Variants in ALK observed in about 807,000 individuals in gnomAD.
ALK encodes the protein ALK tyrosine kinase receptor.
In ALK, 74 loss-of-function variants were observed where a neutral mutation model predicts 163.1. That is an observed-to-expected ratio of 0.45 (90% CI 0.38 to 0.55). The LOEUF is 0.55. Ranked by LOEUF, ALK falls within the 20% of genes least tolerant of loss-of-function variation. The probability of loss-of-function intolerance (pLI) is 0.00; values close to 1 mark genes in which losing one functional copy is unlikely to be tolerated. For missense variants in ALK, 2,063 were observed against 2,105.3 expected (o/e 0.98, Z 0.39); for synonymous variants, 960 against 843.2 (o/e 1.14, Z -2.40).
intron 3 of ALK, among the ~76,000 whole-genome samples, chr2:29,542,375 G>T (rs1201035510): frequency 7.2e-5 from 11 of 152,056 alleles, no homozygotes; most frequent in African/African-American, 2.4e-4. Context: ...TGTATCAGTT[G>T]CTTTCTGGGC....
chr2:29,506,506 G>C (rs1672327677), intron 4 of ALK, among the ~76,000 whole-genome samples: 1 of 152,160 alleles, frequency 6.6e-6, no homozygotes, highest in Non-Finnish European at 1.5e-5. Flanking sequence ...CAGCACTTTG[G>C]GAGGCCGAGG....
intron 8 of ALK, among the ~76,000 whole-genome samples, chr2:29,314,889 G>T (rs529618672): frequency 2.0e-5 from 3 of 152,144 alleles, no homozygotes; most frequent in African/African-American, 7.2e-5. Context: ...TATTACCAGC[G>T]GCTGCAATGC....
intron 4 of ALK, among the ~76,000 whole-genome samples, chr2:29,528,112 C>A (rs966639737): frequency 6.6e-6 from 1 of 152,214 alleles, no homozygotes; most frequent in African/African-American, 2.4e-5. Context: ...TATTAGTAAT[C>A]CAAATGATTG....
intron 1 of ALK, among the ~76,000 whole-genome samples, chr2:29,845,807 T>C (rs1172711339): frequency 6.6e-6 from 1 of 152,192 alleles, no homozygotes; most frequent in East Asian, 1.9e-4. Flanking sequence ...CAGAAACCTT[T>C]GGTTGAGGAG....
At chr2:29,841,342 C>T (rs748102403) in intron 1 of ALK, among the ~76,000 whole-genome samples, 19 of 152,200 alleles carry the variant, frequency 1.2e-4, no homozygotes, top group Non-Finnish European at 2.4e-4. Context: ...GAGATACTTC[C>T]GGTCAAGACA....
At chr2:29,467,734 C>G (rs4435407) in intron 4 of ALK, among the ~76,000 whole-genome samples, 1 of 152,178 alleles carries the variant, frequency 6.6e-6, no homozygotes, top group Admixed American at 6.5e-5. Context: ...TTTCTACACA[C>G]ACTCTCTCAT....
At chr2:29,631,730 C>T (rs533973317) in intron 3 of ALK, among the ~76,000 whole-genome samples, 1 of 152,256 alleles carries the variant, frequency 6.6e-6, no homozygotes, top group Non-Finnish European at 1.5e-5. Flanking sequence ...CTGAACTTCA[C>T]AGTTAACCTG....
chr2:29,503,578 G>A (rs543552708), intron 4 of ALK, among the ~76,000 whole-genome samples: 1 of 152,192 alleles, frequency 6.6e-6, no homozygotes, highest in Admixed American at 6.5e-5. Context: ...AAATGACTTT[G>A]CTTGGGGAAC....
At chr2:29,698,712 T>C (rs889391900) in intron 2 of ALK, among the ~76,000 whole-genome samples, 4 of 152,222 alleles carry the variant, frequency 2.6e-5, no homozygotes, top group African/African-American at 4.8e-5. Flanking sequence ...AGTGTGATAA[T>C]TGGCTGTGTT....
chr2:29,206,806 T>A (rs909572260), intron 26 of ALK, among the ~76,000 whole-genome samples: 1 of 152,026 alleles, frequency 6.6e-6, no homozygotes, highest in African/African-American at 2.4e-5. Flanking sequence ...TGTGTATGTA[T>A]GTGTACTTTG....
chr2:29,748,870 C>A (rs1157692638), intron 1 of ALK, among the ~76,000 whole-genome samples: 1 of 152,106 alleles, frequency 6.6e-6, no homozygotes, highest in Non-Finnish European at 1.5e-5. Flanking sequence ...CTCAGCCTCC[C>A]AAGTAGTTGG....
At chr2:29,848,308 A>C (rs1246607822) in intron 1 of ALK, among the ~76,000 whole-genome samples, 2 of 151,692 alleles carry the variant, frequency 1.3e-5, no homozygotes, top group African/African-American at 2.4e-5. Flanking sequence ...CAGAACATGC[A>C]GCCTGCATGT....
At chr2:29,647,837 T>C (rs144573960) in intron 3 of ALK, among the ~76,000 whole-genome samples, 2 of 151,668 alleles carry the variant, frequency 1.3e-5, no homozygotes, top group East Asian at 3.9e-4. Context: ...AATGTTTTTC[T>C]TAAAACCAAC....
At chr2:29,200,823 A>G in intron 26 of ALK, among the ~76,000 whole-genome samples, 1 of 147,328 alleles carries the variant, frequency 6.8e-6, no homozygotes, top group Middle Eastern at 3.6e-3. Context: ...ATATACATAT[A>G]TACGTATATA....
At chr2:29,288,980 A>T (rs1443217768) in intron 9 of ALK, among the ~76,000 whole-genome samples, 1 of 148,204 alleles carries the variant, frequency 6.7e-6, no homozygotes, top group African/African-American at 2.5e-5. Context: ...ATAAATAAAT[A>T]AATAAATAAA....
Position 29,402,889 on chromosome 2 carries a change from C to G in ALK, c.1155-19030G>C, listed in dbSNP as rs146285046. Among the ~76,000 whole-genome samples, 19 of 152,272 alleles carry G rather than the reference C, an allele frequency of 1.2e-4. No individual in the cohort carries two copies. In the South Asian group the frequency reaches 3.9e-3, roughly 32 times the overall value. ...ACAAATCCCTCCTCCTCCCTACCCC[C>G]TCTTTGTTACCCCCAATTCTTTTCC... On this transcript the variant is annotated intron_variant, in intron 4 of 28. Transcript: ENST00000389048.
chr2:29,278,309 G>A (rs773632328), intron 9 of ALK, among the ~76,000 whole-genome samples: 9 of 152,168 alleles, frequency 5.9e-5, no homozygotes, highest in Admixed American at 1.3e-4. Flanking sequence ...CAGGCAAGGA[G>A]GTTCTGCCAT....
rs1430593894 is a variant in ALK, at chr2:29,416,044, C to T, written c.1155-32185G>A. ...CTACATTAAACCACCAGTTTTCCTG[C>T]TTCTCCAGTTTGCAGGCGACATACT... On this transcript the variant is annotated intron_variant, in intron 4 of 28. Coordinates refer to ENST00000389048, the MANE Select transcript of ALK (RefSeq NM_004304.5). 2.0e-5 allele frequency among the ~76,000 whole-genome samples: 3 copies of T among 152,230 alleles called. No individual in the cohort carries two copies. In the East Asian group the frequency reaches 5.8e-4, roughly 29 times the overall value.
chr2:29,242,764 A>G (rs2148190794), intron 12 of ALK, among the ~76,000 whole-genome samples: 1 of 152,364 alleles, frequency 6.6e-6, no homozygotes, highest in South Asian at 2.1e-4. Context: ...ATTTGAGAAG[A>G]CTGCAAACCC....
Sources: allele counts gnomAD v4.1 joint callset (sites outside exome capture counted in the v4.1 genomes callset), GRCh38; gene constraint gnomAD v4.1.1; transcripts MANE v1.5; gene names NCBI Gene and HGNC (gene_info 2026-07-23, HGNC 2026-07-21).